The following ADAMTS19 variants were observed in gnomAD, a reference collection of about 807,000 sequenced individuals.
ADAMTS19 encodes ADAM metallopeptidase with thrombospondin type 1 motif 19, also known as A disintegrin and metalloproteinase with thrombospondin motifs 19.
ADAMTS19 carries 93 observed loss-of-function variants against 153.3 expected under a neutral mutation model. The observed-to-expected ratio is 0.61, with a 90% CI of 0.51 to 0.72. ADAMTS19 has a LOEUF of 0.72. Ranked by LOEUF, ADAMTS19 falls within the 30% of genes least tolerant of loss-of-function variation. The probability of loss-of-function intolerance (pLI) is 0.00; values close to 1 mark genes in which losing one functional copy is unlikely to be tolerated. For synonymous variants in ADAMTS19, 600 were observed against 556.6 expected, an observed-to-expected ratio of 1.08 and a Z score of -1.10; for missense variants, 1,482 against 1,552.1, an observed-to-expected ratio of 0.95 and a Z score of 0.76.
At chr5:129,583,474 A>G (rs1477937618) in intron 7 of ADAMTS19, among the ~76,000 whole-genome samples, 1 of 151,948 alleles carries the variant, frequency 6.6e-6, no homozygotes, top group Non-Finnish European at 1.5e-5. Context: ...TAGGTTGGGG[A>G]AGTTCTCCTG....
chr5:129,655,597 GATGA>G (rs756635509), intron 14 of ADAMTS19, among the ~76,000 whole-genome samples: 20 of 152,082 alleles, frequency 1.3e-4, no homozygotes, highest in Non-Finnish European at 2.4e-4. Flanking sequence ...TTGAGAATTT[GATGA>G]ATTTTTTTTT....
At position 129,647,177 on chromosome 5, in the gene ADAMTS19, G is replaced by C. The variant is rs914246535; in HGVS notation, c.1873-588G>C. On this transcript the variant is annotated intron_variant, in intron 11 of 22. Transcript: ENST00000274487. Reference sequence around the variant, plus strand: ...CCCACGTCTTTCAAACCAACTTGCTGTAATGTTAATGTTTGAACTTGATGG... The same window carrying C: ...CCCACGTCTTTCAAACCAACTTGCTCTAATGTTAATGTTTGAACTTGATGG... 6.7e-5 allele frequency among the ~76,000 whole-genome samples: 9 copies of C among 134,730 alleles called. No homozygotes were observed. In the East Asian group the frequency reaches 2.1e-3, roughly 32 times the overall value. The allele number at this position is 134,730 out of a possible 152,430, so 88.4% of individuals were successfully genotyped here. A position where few individuals can be genotyped will look rare whatever the true frequency, so the allele number is the denominator to read the frequency against.
At chr5:129,577,226 C>T (rs2126875825) in intron 7 of ADAMTS19, among the ~76,000 whole-genome samples, 1 of 152,172 alleles carries the variant, frequency 6.6e-6, no homozygotes, top group Non-Finnish European at 1.5e-5. Context: ...TTTTTTATTG[C>T]TACACTGTAC....
At chr5:129,657,407 G>T (rs1248353542) in intron 14 of ADAMTS19, among the ~76,000 whole-genome samples, 3 of 152,094 alleles carry the variant, frequency 2.0e-5, no homozygotes, top group African/African-American at 7.2e-5. Context: ...TGTATCATCA[G>T]TCTCTGTTCC....
At chr5:129,499,945 A>G (rs1471665880) in intron 2 of ADAMTS19, among the ~76,000 whole-genome samples, 1 of 152,128 alleles carries the variant, frequency 6.6e-6, no homozygotes, top group African/African-American at 2.4e-5. Context: ...CATATTATAC[A>G]TGTATAGCTT....
chr5:129,563,533 G>A (rs1211267504), intron 7 of ADAMTS19, among the ~76,000 whole-genome samples: 1 of 152,096 alleles, frequency 6.6e-6, no homozygotes, highest in Non-Finnish European at 1.5e-5. Flanking sequence ...ATGGATTCAA[G>A]GTTGACAATC....
intron 7 of ADAMTS19, among the ~76,000 whole-genome samples, chr5:129,556,247 CAT>C (rs1166301490): frequency 2.6e-5 from 4 of 152,088 alleles, no homozygotes; most frequent in Admixed American, 2.6e-4. Context: ...AATTTAAAAA[CAT>C]ATGTGCATTT....
intron 7 of ADAMTS19, among the ~76,000 whole-genome samples, chr5:129,561,389 C>A (rs539132557): frequency 7.9e-5 from 12 of 151,932 alleles, no homozygotes; most frequent in African/African-American, 2.2e-4. Flanking sequence ...ATTAGCCGGG[C>A]GCGGTGGCGG....
intron 10 of ADAMTS19, among the ~76,000 whole-genome samples, chr5:129,622,707 GC>G (rs1042364457): frequency 9.2e-5 from 14 of 152,028 alleles, no homozygotes; most frequent in African/African-American, 3.4e-4. Flanking sequence ...TGTTCCCTGA[GC>G]AGATACCAAA....
intron 18 of ADAMTS19, among the ~76,000 whole-genome samples, chr5:129,690,039 C>T (rs941232897): frequency 1.3e-5 from 2 of 152,168 alleles, no homozygotes; most frequent in African/African-American, 2.4e-5. Flanking sequence ...AGATGAACCT[C>T]TTAGTATAGA....
intron 10 of ADAMTS19, among the ~76,000 whole-genome samples, chr5:129,628,210 C>T (rs918952877): frequency 8.6e-5 from 13 of 151,934 alleles, no homozygotes; most frequent in African/African-American, 2.4e-4. Context: ...AACAAAAAAC[C>T]AAATACCATT....
intron 7 of ADAMTS19, 62 bp downstream of exon 7, chr5:129,551,969 A>G: frequency 1.9e-6 from 2 of 1,069,492 alleles, no homozygotes; most frequent in South Asian, 1.7e-5. Context: ...CACTTGTTTA[A>G]GTATAGGAAA....
intron 20 of ADAMTS19, among the ~76,000 whole-genome samples, 179 bp from the exon 21 acceptor site, chr5:129,704,060 T>C (rs1351057917): frequency 2.0e-5 from 3 of 152,228 alleles, no homozygotes; most frequent in African/African-American, 7.2e-5. Context: ...AAGCTCCTTC[T>C]GGCATCAGAT....
intron 8 of ADAMTS19, among the ~76,000 whole-genome samples, chr5:129,613,429 A>G (rs955977433): frequency 6.6e-6 from 1 of 152,338 alleles, no homozygotes; most frequent in African/African-American, 2.4e-5. Context: ...CTGTTCCTGA[A>G]TGACTACTGG....
chr5:129,717,057 G>C, intron 21 of ADAMTS19, among the ~76,000 whole-genome samples: 1 of 152,054 alleles, frequency 6.6e-6, no homozygotes, highest in Non-Finnish European at 1.5e-5. Flanking sequence ...AGTCCTCAAA[G>C]ACCAGCTGGA....
intron 2 of ADAMTS19, among the ~76,000 whole-genome samples, chr5:129,498,840 C>A (rs1405651762): frequency 6.9e-6 from 1 of 144,172 alleles, no homozygotes; most frequent in African/African-American, 2.6e-5. Context: ...TTTAATACTG[C>A]TTTTTACAAT....
intron 11 of ADAMTS19, among the ~76,000 whole-genome samples, chr5:129,643,382 A>AAAAAAAAAAG (rs1554101887): frequency 7.0e-6 from 1 of 142,726 alleles, no homozygotes; most frequent in African/African-American, 2.6e-5. Flanking sequence ...AAAAAAAAAA[A>AAAAAAAAAAG]AAAAGAAAAA....
chr5:129,522,328 CACACATAT>C (rs1377827638), intron 3 of ADAMTS19, among the ~76,000 whole-genome samples: 115 of 88,170 alleles, frequency 1.3e-3, no homozygotes, highest in African/African-American at 6.3e-3. Context: ...CACACACACA[CACACATAT>C]ATATATATAT....
chr5:129,719,281 T>C (rs115421956), intron 21 of ADAMTS19, among the ~76,000 whole-genome samples: 1,954 of 152,304 alleles, frequency 0.013, 35 homozygotes, highest in African/African-American at 0.043. Flanking sequence ...TTAACATGCA[T>C]AGATTAATAG....
Sources: gnomAD v4.1 joint callset for allele counts (sites outside exome capture counted in the v4.1 genomes callset) on GRCh38, gnomAD v4.1.1 for gene constraint, MANE v1.5 for transcripts, NCBI Gene and HGNC (gene_info 2026-07-23, HGNC 2026-07-21) for gene names.